HMCN1: variants seen among roughly 807,000 people sequenced by gnomAD.
HMCN1 encodes hemicentin 1.
HMCN1 carries 321 observed loss-of-function variants against 625.9 expected under a neutral mutation model. That is an observed-to-expected ratio of 0.51 (90% confidence interval 0.47 to 0.56). The LOEUF (loss-of-function observed/expected upper bound fraction) is 0.56, where lower values mean the gene tolerates loss of function less well. HMCN1 is among the 20% of genes least tolerant of loss of function. HMCN1 has a pLI of 0.00. For synonymous variants in HMCN1, 2,425 were observed against 2,417.6 expected (o/e 1.00, Z -0.09); for missense variants, 6,588 against 6,887.3 (o/e 0.96, Z 1.54).
chr1:185,950,695 C>A (rs536560588), intron 11 of HMCN1, among the ~76,000 whole-genome samples: 7,480 of 151,176 alleles, frequency 0.049, 345 homozygotes, highest in African/African-American at 0.14. Context: ...ATTTGCTGAG[C>A]TTGATGGGTG....
intron 4 of HMCN1, among the ~76,000 whole-genome samples, chr1:185,900,784 C>T (rs1275593740): frequency 1.3e-5 from 2 of 151,882 alleles, no homozygotes; most frequent in Non-Finnish European, 2.9e-5. Flanking sequence ...TTGAGAACTT[C>T]ACTTTAGGAT....
intron 52 of HMCN1, among the ~76,000 whole-genome samples, chr1:186,071,545 T>C (rs1184135288): frequency 6.6e-6 from 1 of 152,208 alleles, no homozygotes; most frequent in African/African-American, 2.4e-5. Flanking sequence ...GCTAAGCTGC[T>C]GTTTGTCCTG....
In HMCN1 at chr1:185,740,758, C is replaced by T. The variant is rs1178032893; in HGVS notation, c.268+5711C>T. On this transcript the variant is annotated intron_variant, in intron 1 of 106. Coordinates refer to ENST00000271588, the MANE Select transcript of HMCN1 (RefSeq NM_031935.3). The stretch of plus-strand genomic sequence containing the variant: ...CCTGTAATCCCAGCACTTTGGGAGG[C>T]TGAGGCAGACAGATTACTTGAGGTC... Among the ~76,000 whole-genome samples, 8 of 152,146 alleles carry T rather than the reference C, an allele frequency of 5.3e-5. No individual in the cohort carries two copies. The East Asian group carries it at 1.5e-3, about 29-fold the overall frequency.
In HMCN1 at chr1:186,038,822, C is replaced by T. The variant is rs1044374983; in HGVS notation, c.5852-7C>T. 11 of 1,582,788 alleles carry T rather than the reference C, an allele frequency of 6.9e-6. No homozygotes were observed. Among genetic ancestry groups the T allele is most frequent in the Non-Finnish European group, 9.6e-6 (11 of 1,151,824 alleles). On this transcript the variant is annotated splice_polypyrimidine_tract_variant and splice_region_variant and intron_variant, in intron 37 of 106. Coordinates refer to ENST00000271588, the MANE Select transcript of HMCN1 (RefSeq NM_031935.3). ...ACATAGATCATCTTCTCCCCTTCTT[C>T]TTTCAGTTATTACATGGTACAAAGA...
At position 186,065,275 on chromosome 1, in the gene HMCN1, G is replaced by T. The variant is rs777179177; in HGVS notation, c.7551G>T (p.Gly2517=). Residue 2517 remains glycine, a synonymous_variant, in exon 49 of 107, where the codon GGG becomes GGT. Transcript: ENST00000271588. Reference sequence around the variant, plus strand: ...CAGAAATTACATGGCACAAAGATGGGCAGCCCCTCCAAGAAGATGAAGCCC... The same window carrying T: ...CAGAAATTACATGGCACAAAGATGGTCAGCCCCTCCAAGAAGATGAAGCCC... ...PVPEITWHKD[G]QPLQEDEAHH... 1.1e-5 allele frequency: 17 copies of T among 1,612,306 alleles called. No homozygotes were observed. The highest frequency in any genetic ancestry group is 1.4e-5 in the Non-Finnish European group (16 of 1,179,826).
intron 10 of HMCN1, among the ~76,000 whole-genome samples, chr1:185,931,797 AT>A (rs1667566425): frequency 6.6e-6 from 1 of 152,160 alleles, no homozygotes; most frequent in African/African-American, 2.4e-5. Context: ...AACCTTCAGC[AT>A]GTTTGTTTCA....
At chr1:185,903,257 T>A (rs895320746) in intron 4 of HMCN1, among the ~76,000 whole-genome samples, 2 of 151,786 alleles carry the variant, frequency 1.3e-5, no homozygotes, top group Admixed American at 1.3e-4. Flanking sequence ...AAAACTTTGA[T>A]CATGTAGAAG....
intron 1 of HMCN1, among the ~76,000 whole-genome samples, chr1:185,816,877 T>C (rs1659878084): frequency 6.6e-6 from 1 of 152,204 alleles, no homozygotes. Context: ...AGCACATTCT[T>C]GATGCTGTGG....
intron 1 of HMCN1, among the ~76,000 whole-genome samples, chr1:185,778,883 A>C (rs1015778284): frequency 6.6e-5 from 10 of 152,176 alleles, no homozygotes; most frequent in African/African-American, 2.4e-4. Flanking sequence ...GCTGGGTCAA[A>C]TGGTATTTCT....
chr1:186,118,359 G>T lies in HMCN1; in HGVS notation c.11848+736G>T, dbSNP rs138087362. Among the ~76,000 whole-genome samples the T allele has an allele frequency of 8.1e-4, 123 of 152,210 alleles. No individual in the cohort carries two copies. In the East Asian group the frequency reaches 0.022, roughly 27 times the overall value. On this transcript the variant is annotated intron_variant, in intron 77 of 106. Transcript: ENST00000271588. Reference sequence around the variant, plus strand: ...GTAATAGTGGAAAATGTGTTCCCAGGATGCAACTTGGCTTTCAAGACAAAT... The same window carrying T: ...GTAATAGTGGAAAATGTGTTCCCAGTATGCAACTTGGCTTTCAAGACAAAT...
chr1:186,014,521 G>A (rs924063308), intron 30 of HMCN1, among the ~76,000 whole-genome samples: 1 of 151,966 alleles, frequency 6.6e-6, no homozygotes, highest in Non-Finnish European at 1.5e-5. Context: ...TTGCAGGAGA[G>A]ACTGAGTGAC....
chr1:186,179,128 G>A (rs1247032194), intron 104 of HMCN1, among the ~76,000 whole-genome samples: 1 of 152,052 alleles, frequency 6.6e-6, no homozygotes, highest in South Asian at 2.1e-4. Flanking sequence ...ATCAGATTAT[G>A]GCCACATCGG....
intron 97 of HMCN1, among the ~76,000 whole-genome samples, chr1:186,160,250 TG>T (rs1359142584): frequency 2.0e-5 from 3 of 147,512 alleles, no homozygotes; most frequent in African/African-American, 7.6e-5. Flanking sequence ...TGTATTTCTG[TG>T]GGATCGGTGG....
At chr1:186,035,415 TTTTG>T (rs1361724049) in intron 36 of HMCN1, among the ~76,000 whole-genome samples, 3 of 152,150 alleles carry the variant, frequency 2.0e-5, no homozygotes, top group African/African-American at 7.2e-5. Context: ...TCTTCTTTGA[TTTTG>T]TTTGTTTTCT....
chr1:185,866,532 G>A (rs993686044), intron 4 of HMCN1, among the ~76,000 whole-genome samples: 3 of 151,000 alleles, frequency 2.0e-5, no homozygotes, highest in Admixed American at 6.6e-5. Context: ...AGCCTCCCGA[G>A]TAGCTGGGAC....
chr1:186,132,394 A>T lies in HMCN1; in HGVS notation c.13297A>T (p.Ser4433Cys). 1.2e-6 allele frequency: 2 copies of T among 1,611,860 alleles called. No homozygotes were observed. Among genetic ancestry groups the T allele is most frequent in the Non-Finnish European group, 1.7e-6 (2 of 1,178,776 alleles). ...NEAGVVERSM[S>C]LTLQSPPIIT... ...AGCTGGGGTGGTGGAGCGCAGCATG[A>T]GTCTGACTCTGCAAAGTAAGCTGCT... Residue 4433 changes from serine (S) to cysteine (C), a missense_variant, in exon 86 of 107, where the codon AGT becomes TGT. By Grantham distance (112) the Ser-to-Cys change is moderately radical. Coordinates refer to ENST00000271588, the MANE Select transcript of HMCN1 (RefSeq NM_031935.3).
chr1:186,067,199 G>T (rs1244048964), intron 49 of HMCN1, among the ~76,000 whole-genome samples: 1 of 152,092 alleles, frequency 6.6e-6, no homozygotes, highest in Non-Finnish European at 1.5e-5. Flanking sequence ...AGTCCTGTCA[G>T]TAATGCCCTA....
chr1:186,050,965 C>A (rs942627742), intron 42 of HMCN1, among the ~76,000 whole-genome samples: 2 of 151,946 alleles, frequency 1.3e-5, no homozygotes, highest in Non-Finnish European at 2.9e-5. Context: ...ATATGAGACA[C>A]GTTTAACTGA....
rs746793687 is a variant in HMCN1 at position 186,137,478 on chromosome 1, G to A, written c.13583-20G>A. On this transcript the variant is annotated intron_variant, in intron 87 of 106. Coordinates refer to ENST00000271588, the MANE Select transcript of HMCN1 (RefSeq NM_031935.3). ...TTTTATTTGCAAAAGCTTAGACAAA[G>A]TACAATGTTTTATTTGCAGTTCATG... 5.5e-5 allele frequency: 89 copies of A among 1,611,004 alleles called. No individual in the cohort carries two copies. The highest frequency in any genetic ancestry group is 6.9e-5 in the Non-Finnish European group (81 of 1,178,714).
Sources: gnomAD v4.1 joint callset for allele counts (sites outside exome capture counted in the v4.1 genomes callset) on GRCh38, gnomAD v4.1.1 for gene constraint, MANE v1.5 for transcripts, NCBI Gene and HGNC (gene_info 2026-07-23, HGNC 2026-07-21) for gene names.